The following LRRIQ1 variants were observed in gnomAD, a reference collection of about 807,000 sequenced individuals.
The protein encoded by LRRIQ1 is leucine-rich repeat- and IQ domain-containing protein 1.
Under a neutral mutation model 211.9 loss-of-function variants are expected in LRRIQ1, and 210 were observed. That is an observed-to-expected ratio of 0.99 (90% CI 0.89 to 1.11). LRRIQ1 has a LOEUF of 1.11. Ranked by LOEUF, LRRIQ1 falls within the 50% of genes most tolerant of loss-of-function variation. The pLI is 0.00. For missense variants in LRRIQ1, 2,136 were observed against 1,939.5 expected, an observed-to-expected ratio of 1.10 and a Z score of -1.90; for synonymous variants, 699 against 650.1, an observed-to-expected ratio of 1.08 and a Z score of -1.14.
chr12:85,054,663 T>A (rs1396708524), intron 7 of LRRIQ1, among the ~76,000 whole-genome samples: 2 of 152,114 alleles, frequency 1.3e-5, no homozygotes, highest in Non-Finnish European at 2.9e-5. Flanking sequence ...AGTTTTTTTT[T>A]AAGTAATCAG....
At chr12:85,172,549 A>G (rs972069268) in intron 24 of LRRIQ1, among the ~76,000 whole-genome samples, 2 of 152,150 alleles carry the variant, frequency 1.3e-5, no homozygotes, top group African/African-American at 4.8e-5. Context: ...ATGAGAATCT[A>G]AGGGCTTCTG....
At chr12:85,037,039 G>C (rs1342857787) in intron 1 of LRRIQ1, among the ~76,000 whole-genome samples, 1 of 152,000 alleles carries the variant, frequency 6.6e-6, no homozygotes, top group Non-Finnish European at 1.5e-5. Context: ...ACACACAACA[G>C]ATTTCTAAGA....
chr12:85,266,473 T>C (rs1048825315), downstream of LRRIQ1, among the ~76,000 whole-genome samples: 2 of 152,122 alleles, frequency 1.3e-5, no homozygotes, highest in African/African-American at 2.4e-5. Context: ...CCACTCACAC[T>C]TCCTTTTCAA....
At chr12:85,238,971 A>G (rs1188671465) in intron 26 of LRRIQ1, among the ~76,000 whole-genome samples, 3 of 152,302 alleles carry the variant, frequency 2.0e-5, no homozygotes, top group East Asian at 3.9e-4. Context: ...TATTAGCAAT[A>G]AAGTTTAAAA....
rs80126183 is a variant in LRRIQ1 at position 85,165,053 on chromosome 12, G to A, written c.4822+4339G>A. 1.5e-3 allele frequency among the ~76,000 whole-genome samples: 230 copies of A among 152,122 alleles called. 7 individuals carry two copies. In the East Asian group the frequency reaches 0.041, roughly 27 times the overall value. On this transcript the variant is annotated intron_variant, in intron 24 of 26. Transcript: ENST00000393217. The stretch of plus-strand genomic sequence containing the variant: ...TGACCTATAGTTAGCTGCTATCTTG[G>A]ATAATGTTATTATTGATATTATTAT...
rs12308770 is a variant in LRRIQ1 at position 85,111,943 on chromosome 12, T to C, written c.3377+5328T>C. Among the ~76,000 whole-genome samples, 285 of 135,380 alleles carry C rather than the reference T, an allele frequency of 2.1e-3. 3 individuals are homozygous for C. The highest frequency in any genetic ancestry group is 0.011 in the East Asian group (58 of 5,090). The allele number at this position is 135,380 out of a possible 152,430, so 88.8% of individuals were successfully genotyped here. A position where few individuals can be genotyped will look rare whatever the true frequency, so the allele number is the denominator to read the frequency against. On this transcript the variant is annotated intron_variant, in intron 15 of 26. Transcript: ENST00000393217. ...TATGGTATTAGACATTTTATATATATATACACACACACACACACACACACA... is the reference window on the plus strand; with the variant it reads ...TATGGTATTAGACATTTTATATATACATACACACACACACACACACACACA...
chr12:85,086,329 G>A (rs1159972731), intron 11 of LRRIQ1, among the ~76,000 whole-genome samples: 2 of 152,030 alleles, frequency 1.3e-5, no homozygotes, highest in African/African-American at 4.8e-5. Flanking sequence ...TTGTGTCATG[G>A]GGGAGGCTCC....
At chr12:85,088,508 T>C (rs567451606) in intron 11 of LRRIQ1, among the ~76,000 whole-genome samples, 1 of 152,336 alleles carries the variant, frequency 6.6e-6, no homozygotes, top group African/African-American at 2.4e-5. Flanking sequence ...TTGATGGGGA[T>C]AGCATTGAAT....
chr12:85,235,397 C>G (rs1291896002), intron 26 of LRRIQ1, among the ~76,000 whole-genome samples: 1 of 152,112 alleles, frequency 6.6e-6, no homozygotes, highest in Non-Finnish European at 1.5e-5. Context: ...CAAAACGACT[C>G]CTGTGAGAGA....
chr12:85,178,202 A>T (rs543965365), intron 24 of LRRIQ1, among the ~76,000 whole-genome samples: 1 of 151,892 alleles, frequency 6.6e-6, no homozygotes, highest in East Asian at 1.9e-4. Context: ...ATACATGATG[A>T]TCTTCCATGG....
chr12:85,103,949 A>G (rs1886583106), intron 13 of LRRIQ1, 55 bp from the exon 14 acceptor site: 2 of 952,282 alleles, frequency 2.1e-6, no homozygotes, highest in Non-Finnish European at 3.2e-6. Flanking sequence ...TACAATGGTA[A>G]CATTAAGGAC....
chr12:85,102,372 G>C (rs1886410790), intron 13 of LRRIQ1, among the ~76,000 whole-genome samples: 1 of 151,380 alleles, frequency 6.6e-6, no homozygotes, highest in African/African-American at 2.4e-5. Flanking sequence ...AAATAATTCA[G>C]TGTATGTAAT....
chr12:85,182,336 C>G (rs899791577), intron 24 of LRRIQ1, among the ~76,000 whole-genome samples: 1 of 151,998 alleles, frequency 6.6e-6, no homozygotes, highest in African/African-American at 2.4e-5. Flanking sequence ...GAAATAGAAA[C>G]ATGACAGAGG....
chr12:85,160,338 C>T (rs758725793), intron 23 of LRRIQ1, among the ~76,000 whole-genome samples: 1 of 151,948 alleles, frequency 6.6e-6, no homozygotes, highest in Non-Finnish European at 1.5e-5. Flanking sequence ...GTCTTGCTTC[C>T]ATCTTTTGTA....
chr12:85,204,700 T>C (rs924373859), intron 24 of LRRIQ1, among the ~76,000 whole-genome samples: 8 of 143,526 alleles, frequency 5.6e-5, no homozygotes, highest in Admixed American at 5.3e-4. Context: ...TTTCTCCCAT[T>C]TGGAATGATT....
chr12:85,106,478 T>C (rs774034726), intron 14 of LRRIQ1, 44 bp from the exon 15 acceptor site: 1 of 1,348,782 alleles, frequency 7.4e-7, no homozygotes, highest in Non-Finnish European at 1.1e-6. Flanking sequence ...ATATTTGTTC[T>C]AAATCTGTGA....
chr12:85,200,907 C>T (rs1893256950), intron 24 of LRRIQ1, among the ~76,000 whole-genome samples: 1 of 152,046 alleles, frequency 6.6e-6, no homozygotes, highest in Non-Finnish European at 1.5e-5. Context: ...GCAACCTTCA[C>T]CTCCTGGGTT....
intron 1 of LRRIQ1, among the ~76,000 whole-genome samples, chr12:85,262,113 A>T (rs1896318025): frequency 6.6e-6 from 1 of 152,282 alleles, no homozygotes; most frequent in Middle Eastern, 3.4e-3. Context: ...TATTCTTGAT[A>T]TGGCATCCTG....
chr12:85,250,221 C>T (rs565326328), intron 1 of LRRIQ1, among the ~76,000 whole-genome samples: 13 of 151,750 alleles, frequency 8.6e-5, no homozygotes, highest in Admixed American at 2.6e-4. Context: ...AAGGCTTTAC[C>T]GACAAAGAAG....
Sources: gnomAD v4.1 joint callset for allele counts (sites outside exome capture counted in the v4.1 genomes callset) on GRCh38, gnomAD v4.1.1 for gene constraint, MANE v1.5 for transcripts, NCBI Gene and HGNC (gene_info 2026-07-23, HGNC 2026-07-21) for gene names.